LAMB1: variants seen among roughly 807,000 people sequenced by gnomAD.
LAMB1 encodes the protein laminin subunit beta-1.
Under a neutral mutation model 222.3 loss-of-function variants are expected in LAMB1, and 121 were observed. The observed-to-expected ratio is 0.54, with a 90% CI of 0.47 to 0.63. The LOEUF (loss-of-function observed/expected upper bound fraction) is 0.63, where lower values mean the gene tolerates loss of function less well. LAMB1 is among the 30% of genes least tolerant of loss of function. The pLI, the probability that LAMB1 is intolerant of heterozygous loss-of-function variation, is 0.00. For missense variants in LAMB1, 2,172 were observed against 2,240.8 expected (o/e 0.97, Z 0.62); for synonymous variants, 794 against 807.2 (o/e 0.98, Z 0.28).
intron 24 of LAMB1, among the ~76,000 whole-genome samples, chr7:107,943,901 G>A (rs1390443096): frequency 3.3e-5 from 5 of 152,156 alleles, no homozygotes; most frequent in Non-Finnish European, 5.9e-5. Context: ...TCACGACTTC[G>A]GAAGTTCAGC....
chr7:107,960,329 A>T, intron 18 of LAMB1, 116 bp downstream of exon 18: 1 of 687,064 alleles, frequency 1.5e-6, no homozygotes, highest in Non-Finnish European at 2.5e-6. Context: ...CTGAGACACT[A>T]TTTCCCTTGT....
At chr7:107,930,772 T>C (rs561584765) in intron 29 of LAMB1, among the ~76,000 whole-genome samples, 24 of 152,232 alleles carry the variant, frequency 1.6e-4, no homozygotes, top group Admixed American at 1.6e-3. Context: ...AAAGCTGATA[T>C]GCTTAAGATG....
chr7:107,990,368 A>G (rs1243726584), intron 5 of LAMB1, among the ~76,000 whole-genome samples: 1 of 152,094 alleles, frequency 6.6e-6, no homozygotes, highest in African/African-American at 2.4e-5. Flanking sequence ...AACATCTAGT[A>G]ATATAGAAAA....
chr7:107,971,401 T>G (rs2033745891), intron 13 of LAMB1, among the ~76,000 whole-genome samples: 2 of 152,214 alleles, frequency 1.3e-5, no homozygotes. Context: ...AATCATCCAG[T>G]AAACATTTCC....
Position 107,933,990 on chromosome 7 carries a change from T to C in LAMB1, c.4188+1425A>G, listed in dbSNP as rs1174276192. ...AGAACTTGTTTGTGATAACTGATTT[T>C]TTTTTTTTAACTACAATATGTAAGG... On this transcript the variant is annotated intron_variant, in intron 27 of 33. Transcript: ENST00000222399. 2.6e-5 allele frequency among the ~76,000 whole-genome samples: 4 copies of C among 152,252 alleles called. No homozygotes were observed. In the East Asian group the frequency reaches 7.7e-4, roughly 29 times the overall value.
Position 107,955,497 on chromosome 7 carries a change from G to A in LAMB1, c.2824C>T (p.Leu942Phe), listed in dbSNP as rs144170169. Reference protein sequence around the residue: ...SCYQDPVTLQLACVCDPGYIG... With the variant: ...SCYQDPVTLQFACVCDPGYIG... ...TATCCAGGATCACAAACACAGGCAA[G>A]CTGTAAAGTAACAGGATCTTGGTAG... is the stretch of plus-strand genomic sequence containing the variant. The change falls in exon 21 of 34, where the codon CTT becomes TTT. Residue 942 changes from leucine to phenylalanine, a missense_variant. By Grantham distance (22) the Leu-to-Phe change is conservative. Coordinates refer to ENST00000222399, the MANE Select transcript of LAMB1 (RefSeq NM_002291.3). 3.7e-6 allele frequency: 6 copies of A among 1,614,022 alleles called. No homozygotes were observed. The highest frequency in any genetic ancestry group is 5.1e-6 in the Non-Finnish European group (6 of 1,179,982).
intron 4 of LAMB1, 42 bp from the exon 5 acceptor site, chr7:107,995,002 T>TA (rs1248894265): frequency 9.2e-7 from 1 of 1,089,466 alleles, no homozygotes; most frequent in East Asian, 2.4e-5. Context: ...AATGAAACTG[T>TA]AAATAGAAAC....
chr7:107,935,022 GC>G (rs747550490), intron 27 of LAMB1, among the ~76,000 whole-genome samples: 3 of 151,906 alleles, frequency 2.0e-5, no homozygotes, highest in East Asian at 1.9e-4. Context: ...TTCAAGACTA[GC>G]CTGAGCAATG....
intron 21 of LAMB1, among the ~76,000 whole-genome samples, chr7:107,955,003 T>C (rs1291657564): frequency 6.6e-6 from 1 of 152,232 alleles, no homozygotes; most frequent in Non-Finnish European, 1.5e-5. Context: ...ACAACCCAGC[T>C]AGATTAATTG....
rs146785223 is a variant in LAMB1, at chr7:107,936,563, A to G, written c.3946+530T>C. 4.6e-3 allele frequency among the ~76,000 whole-genome samples: 708 copies of G among 152,352 alleles called. 7 individuals carry two copies. Among genetic ancestry groups the G allele is most frequent in the African/African-American group, 0.016 (658 of 41,580 alleles). Reference sequence around the variant, plus strand: ...ACGGTATTATATATAACAGCATGACATGTTTTTAGCTTTAGTCCAAAAGCA... The same window carrying G: ...ACGGTATTATATATAACAGCATGACGTGTTTTTAGCTTTAGTCCAAAAGCA... On this transcript the variant is annotated intron_variant, in intron 26 of 33. Coordinates refer to ENST00000222399, the MANE Select transcript of LAMB1 (RefSeq NM_002291.3).
chr7:107,975,090 A>G lies in LAMB1; in HGVS notation c.1378T>C (p.Cys460Arg). ...EDPFGCKSCACNPLGTIPGGN... is the reference protein window; with the variant it reads ...EDPFGCKSCARNPLGTIPGGN... ...CCAGGAATTGTTCCCAGAGGATTGC[A>G]AGCACAAGCTGTATTAAAACAAAAT... is the stretch of plus-strand genomic sequence containing the variant. The change falls in exon 12 of 34, where the codon TGC becomes CGC. Residue 460 changes from cysteine (C) to arginine (R), a missense_variant. Physicochemically the swap from Cys to Arg is radical, Grantham distance 180. Coordinates refer to ENST00000222399, the MANE Select transcript of LAMB1 (RefSeq NM_002291.3). 6.2e-7 allele frequency: 1 copy of G among 1,606,336 alleles called. No homozygotes were observed. Among genetic ancestry groups the G allele is most frequent in the East Asian group, 2.2e-5 (1 of 44,856 alleles).
chr7:107,940,889 A>G (rs912328862), intron 24 of LAMB1, among the ~76,000 whole-genome samples: 1 of 152,224 alleles, frequency 6.6e-6, no homozygotes, highest in African/African-American at 2.4e-5. Context: ...ATACATCACA[A>G]ATGAGAAGCT....
chr7:107,963,840 T>C (rs2033565569), intron 14 of LAMB1, among the ~76,000 whole-genome samples: 1 of 152,256 alleles, frequency 6.6e-6, no homozygotes, highest in Non-Finnish European at 1.5e-5. Flanking sequence ...GGCTCACGCC[T>C]GTAATCCCAA....
At position 108,003,114 on chromosome 7, in the gene LAMB1, G is replaced by A. The variant is rs1584550570; in HGVS notation, c.-90C>T. The A allele has an allele frequency of 2.3e-6, 2 of 888,020 alleles. No homozygotes were observed. Among genetic ancestry groups the A allele is most frequent in the African/African-American group, 1.7e-5 (1 of 58,592 alleles). 55.0% of individuals were successfully genotyped at this position (888,020 alleles called of 1,614,324 possible). On this transcript the variant is annotated 5_prime_UTR_variant, in exon 1 of 34. Coordinates refer to ENST00000222399, the MANE Select transcript of LAMB1 (RefSeq NM_002291.3). ...GCAGCCACTTTGTTCTCCTCACCCG[G>A]CGACGCGAGCTCTCGCCCTGCTCCG...
rs959366589 is a variant in LAMB1 at position 107,923,892 on chromosome 7, A to C, written c.*59T>G. 3.4e-6 allele frequency: 5 copies of C among 1,453,218 alleles called. No homozygotes were observed. The Admixed American group carries it at 6.7e-5, about 19-fold the overall frequency. 90.0% of individuals were successfully genotyped at this position (1,453,218 alleles called of 1,614,324 possible). ...GTTTTATTTTGAAGAGCATTAAGTC[A>C]GTTTTTAAAATGTAGTTGTTTTACC... is the stretch of plus-strand genomic sequence containing the variant. On this transcript the variant is annotated 3_prime_UTR_variant, in exon 34 of 34. Transcript: ENST00000222399.
In LAMB1 at chr7:107,928,379, T is replaced by C. The variant is rs2032618655; in HGVS notation, c.4887+685A>G. ...ATAGTAAAATGTTTGATGACCAAAA[T>C]CTTGAGACATTGGCCTTCTTAACCA... On this transcript the variant is annotated intron_variant, in intron 31 of 33. Coordinates refer to ENST00000222399, the MANE Select transcript of LAMB1 (RefSeq NM_002291.3). 2.6e-5 allele frequency among the ~76,000 whole-genome samples: 4 copies of C among 152,338 alleles called. No individual in the cohort carries two copies. The South Asian group carries it at 8.3e-4, about 32-fold the overall frequency.
intron 12 of LAMB1, among the ~76,000 whole-genome samples, chr7:107,973,284 G>C (rs1027808810): frequency 6.6e-6 from 1 of 152,190 alleles, no homozygotes; most frequent in African/African-American, 2.4e-5. Context: ...TCACAGGATC[G>C]TGCCAGGTCA....
chr7:107,968,460 AG>A (rs1322676855), intron 13 of LAMB1, among the ~76,000 whole-genome samples: 1 of 152,204 alleles, frequency 6.6e-6, no homozygotes, highest in East Asian at 1.9e-4. Flanking sequence ...ATATGGCAAA[AG>A]GAACTTTGCA....
intron 14 of LAMB1, among the ~76,000 whole-genome samples, chr7:107,964,187 G>A (rs2033576616): frequency 6.6e-6 from 1 of 152,200 alleles, no homozygotes; most frequent in East Asian, 1.9e-4. Context: ...TCAAGAGCCA[G>A]GCATACATTT....
Sources: allele counts gnomAD v4.1 joint callset (sites outside exome capture counted in the v4.1 genomes callset), GRCh38; gene constraint gnomAD v4.1.1; transcripts MANE v1.5; gene names NCBI Gene and HGNC (gene_info 2026-07-23, HGNC 2026-07-21).